CLTA: variants seen among roughly 807,000 people sequenced by gnomAD.
CLTA encodes clathrin light chain A, also known as clathrin, light polypeptide (Lca).
In CLTA, 9 loss-of-function variants were observed where a neutral mutation model predicts 26.9. That is an observed-to-expected ratio of 0.33 (90% CI 0.20 to 0.58). CLTA has a LOEUF of 0.58. Ranked by LOEUF, CLTA falls within the 20% of genes least tolerant of loss-of-function variation. CLTA has a pLI of 0.85. For synonymous variants in CLTA, 120 were observed against 115.5 expected, an observed-to-expected ratio of 1.04 and a Z score of -0.25; for missense variants, 278 against 294.2, an observed-to-expected ratio of 0.94 and a Z score of 0.40.
At chr9:36,204,642 A>G (rs117585711) in intron 4 of CLTA, among the ~76,000 whole-genome samples, 2,022 of 152,334 alleles carry the variant, frequency 0.013, 25 homozygotes, top group Non-Finnish European at 0.021. Context: ...GGATGTTCCA[A>G]CATGATTATT....
chr9:36,211,673 C>T lies in CLTA; in HGVS notation c.556C>T (p.Arg186Trp), dbSNP rs570910217. Residue 186 changes from arginine to tryptophan, a missense_variant, in exon 5 of 5, where the codon CGG becomes TGG. Physicochemically the swap from Arg to Trp is moderately radical, Grantham distance 101. Coordinates refer to ENST00000345519, the MANE Select transcript of CLTA (RefSeq NM_001833.4). ...SPGTEWERVA[R>W]LCDFNPKSSK... Reference sequence around the variant, plus strand: ...AGGCACTGAGTGGGAACGGGTGGCCCGGCTGTGTGACTTTAACCCCAAGTC... The same window carrying T: ...AGGCACTGAGTGGGAACGGGTGGCCTGGCTGTGTGACTTTAACCCCAAGTC... 2.0e-5 allele frequency: 32 copies of T among 1,614,042 alleles called. No homozygotes were observed. Among genetic ancestry groups the T allele is most frequent in the Admixed American group, 3.3e-5 (2 of 60,004 alleles).
At chr9:36,204,260 G>T in intron 4 of CLTA, 81 bp downstream of exon 4, 2 of 1,463,040 alleles carry the variant, frequency 1.4e-6, no homozygotes, top group Non-Finnish European at 9.3e-7. Context: ...TCGGTTTTTG[G>T]CTTCTGCCTC....
At chr9:36,200,187 TTTTTTC>T (rs1362671552) in intron 3 of CLTA, among the ~76,000 whole-genome samples, 1 of 152,158 alleles carries the variant, frequency 6.6e-6, no homozygotes, top group Non-Finnish European at 1.5e-5. Flanking sequence ...CTTTTCTTTG[TTTTTTC>T]TTTTTCTTTT....
chr9:36,195,824 C>A (rs1239946180), intron 1 of CLTA, among the ~76,000 whole-genome samples: 1 of 151,812 alleles, frequency 6.6e-6, no homozygotes, highest in East Asian at 1.9e-4. Flanking sequence ...AAAAATTAGC[C>A]GGGCATGGTG....
At chr9:36,198,913 C>T in intron 2 of CLTA, 66 bp from the exon 3 acceptor site, 1 of 984,140 alleles carries the variant, frequency 1.0e-6, no homozygotes, top group East Asian at 2.6e-5. Context: ...GGTTCTAACT[C>T]AGGTGAAGTG....
intron 3 of CLTA, among the ~76,000 whole-genome samples, chr9:36,202,202 C>T (rs1025183819): frequency 3.3e-5 from 5 of 152,108 alleles, no homozygotes; most frequent in South Asian, 2.1e-4. Context: ...GATCACCTTC[C>T]GACAAATTAG....
intron 4 of CLTA, among the ~76,000 whole-genome samples, chr9:36,206,927 T>A (rs1350611545): frequency 6.6e-6 from 1 of 152,060 alleles, no homozygotes; most frequent in Admixed American, 6.6e-5. Context: ...AACGGGGTGC[T>A]CATTTCAAGC....
At position 36,211,627 on chromosome 9, in the gene CLTA, T is replaced by C; in HGVS notation, c.510T>C (p.Asn170=). 2 of 1,613,086 alleles carry C rather than the reference T, an allele frequency of 1.2e-6. No individual in the cohort carries two copies. Among genetic ancestry groups the C allele is most frequent in the Non-Finnish European group, 1.7e-6 (2 of 1,179,276 alleles). ...GGGCAGCAGAAGAAGCCTTTGTAAA[T>C]GACATTGACGAGTCGTCCCCAGGCA... is the stretch of plus-strand genomic sequence containing the variant. The part of the protein sequence containing the change: ...NNRAAEEAFV[N]DIDESSPGTE... The change falls in exon 5 of 5, where the codon AAT becomes AAC. Residue 170 remains asparagine, a synonymous_variant. Coordinates refer to ENST00000345519, the MANE Select transcript of CLTA (RefSeq NM_001833.4).
chr9:36,204,303 AAG>A, intron 4 of CLTA, 124 bp downstream of exon 4: 1 of 1,062,286 alleles, frequency 9.4e-7, no homozygotes, highest in Non-Finnish European at 1.4e-6. Flanking sequence ...TTTTTAAAGA[AAG>A]TGCTTGAAAC....
Position 36,211,633 on chromosome 9 carries a change from T to G in CLTA, c.516T>G (p.Ile172Met). 1 of 1,613,640 alleles carries G rather than the reference T, an allele frequency of 6.2e-7. No homozygotes were observed. The highest frequency in any genetic ancestry group is 8.5e-7 in the Non-Finnish European group (1 of 1,179,674). ...CAGAAGAAGCCTTTGTAAATGACATTGACGAGTCGTCCCCAGGCACTGAGT... is the reference window on the plus strand; with the variant it reads ...CAGAAGAAGCCTTTGTAAATGACATGGACGAGTCGTCCCCAGGCACTGAGT... ...RAAEEAFVND[I>M]DESSPGTEWE... The change falls in exon 5 of 5, where the codon ATT (isoleucine) becomes ATG (methionine). Residue 172 changes from isoleucine to methionine, a missense_variant. By Grantham distance (10) the Ile-to-Met change is conservative. Transcript: ENST00000345519.
chr9:36,202,062 G>T (rs1827446537), intron 3 of CLTA, among the ~76,000 whole-genome samples: 1 of 152,146 alleles, frequency 6.6e-6, no homozygotes, highest in South Asian at 2.1e-4. Context: ...AGTGAGCTGT[G>T]ATAGAACTAC....
At chr9:36,210,672 C>A (rs1211621126) in intron 4 of CLTA, 1 of 1,614,012 alleles carries the variant, frequency 6.2e-7, no homozygotes, top group South Asian at 1.1e-5. Context: ...TTAAGTAAAC[C>A]TTTCTCACTG....
chr9:36,194,139 C>G (rs1432629562), intron 1 of CLTA, among the ~76,000 whole-genome samples: 1 of 152,194 alleles, frequency 6.6e-6, no homozygotes, highest in Non-Finnish European at 1.5e-5. Context: ...AGTTATCCTG[C>G]CTCAGCCTCC....
intron 2 of CLTA, 86 bp from the exon 3 acceptor site, chr9:36,198,893 C>T: frequency 2.6e-6 from 1 of 390,244 alleles, no homozygotes; most frequent in Non-Finnish European, 4.3e-6. Flanking sequence ...AAAAAAAAAA[C>T]AGAACCAGGG....
intron 4 of CLTA, chr9:36,210,605 T>C: frequency 6.2e-7 from 1 of 1,614,186 alleles, no homozygotes; most frequent in African/African-American, 1.3e-5. Flanking sequence ...CTCGTTTCTT[T>C]TCTTCTCTTC....
intron 1 of CLTA, among the ~76,000 whole-genome samples, chr9:36,193,652 G>C (rs146892074): frequency 6.6e-6 from 1 of 152,124 alleles, no homozygotes; most frequent in Non-Finnish European, 1.5e-5. Flanking sequence ...CTCTCTTTCT[G>C]ATGTATTATA....
intron 4 of CLTA, 75 bp downstream of exon 4, chr9:36,204,254 T>G: frequency 1.3e-6 from 2 of 1,500,516 alleles, no homozygotes; most frequent in East Asian, 5.0e-5. Flanking sequence ...CCAGTCTCGG[T>G]TTTTGGCTTC....
Position 36,211,846 on chromosome 9 carries a change from G to A in CLTA, c.*72G>A. The A allele has an allele frequency of 7.8e-7, 1 of 1,286,930 alleles. No individual in the cohort carries two copies. The highest frequency in any genetic ancestry group is 1.4e-5 in the South Asian group (1 of 73,628). 79.7% of individuals were successfully genotyped at this position (1,286,930 alleles called of 1,614,324 possible). A position where few individuals can be genotyped will look rare whatever the true frequency, so the allele number is the denominator to read the frequency against. Reference sequence around the variant, plus strand: ...TCAGTGAAGCTCTTCACAGTCATTGGATTAATTATGTTGAGTTCTTTTGGA... The same window carrying A: ...TCAGTGAAGCTCTTCACAGTCATTGAATTAATTATGTTGAGTTCTTTTGGA... On this transcript the variant is annotated 3_prime_UTR_variant, in exon 5 of 5. Transcript: ENST00000345519.
chr9:36,198,536 C>T (rs907412191), intron 2 of CLTA, among the ~76,000 whole-genome samples: 8 of 151,472 alleles, frequency 5.3e-5, no homozygotes, highest in African/African-American at 1.9e-4. Context: ...ATTAACCAGG[C>T]GGTAGTGGCA....
Sources: gnomAD v4.1 joint callset for allele counts (sites outside exome capture counted in the v4.1 genomes callset) on GRCh38, gnomAD v4.1.1 for gene constraint, MANE v1.5 for transcripts, NCBI Gene and HGNC (gene_info 2026-07-23, HGNC 2026-07-21) for gene names.